Variants in ADAMTS17 observed in about 807,000 individuals in gnomAD.
ADAMTS17 encodes ADAM metallopeptidase with thrombospondin type 1 motif 17.
ADAMTS17 carries 113 observed loss-of-function variants against 141.5 expected under a neutral mutation model. The observed-to-expected ratio is 0.80, with a 90% CI of 0.69 to 0.93. ADAMTS17 has a LOEUF of 0.93. Ranked by LOEUF, ADAMTS17 falls within the 40% of genes least tolerant of loss-of-function variation. The pLI, the probability that ADAMTS17 is intolerant of heterozygous loss-of-function variation, is 0.00. For synonymous variants in ADAMTS17, 768 were observed against 630.6 expected (o/e 1.22, Z -3.27); for missense variants, 1,659 against 1,517.9 (o/e 1.09, Z -1.54).
At chr15:99,983,844 T>C (rs2060529558) in intron 20 of ADAMTS17, among the ~76,000 whole-genome samples, 2 of 152,144 alleles carry the variant, frequency 1.3e-5, no homozygotes, top group Admixed American at 6.5e-5. Context: ...ACTGACGGAA[T>C]CCTGACAGTA....
intron 7 of ADAMTS17, among the ~76,000 whole-genome samples, chr15:100,218,665 G>C (rs2042040751): frequency 6.6e-6 from 1 of 152,126 alleles, no homozygotes; most frequent in Non-Finnish European, 1.5e-5. Context: ...AAAGCGTTTG[G>C]CAGTGTCTCA....
chr15:100,307,032 C>G (rs2045249567), intron 3 of ADAMTS17, among the ~76,000 whole-genome samples: 1 of 152,146 alleles, frequency 6.6e-6, no homozygotes. Context: ...AACGCCATCC[C>G]AAAAGTCTGG....
chr15:100,225,911 C>T (rs1339385802), intron 7 of ADAMTS17, among the ~76,000 whole-genome samples: 1 of 150,058 alleles, frequency 6.7e-6, no homozygotes, highest in African/African-American at 2.5e-5. Context: ...CTGTGCCATT[C>T]AGTCCTTACA....
chr15:100,291,698 A>G (rs2044629468), intron 3 of ADAMTS17, among the ~76,000 whole-genome samples: 1 of 152,210 alleles, frequency 6.6e-6, no homozygotes, highest in Non-Finnish European at 1.5e-5. Context: ...CAGCACATGG[A>G]TGGAGCGAAA....
Position 100,068,878 on chromosome 15 carries a change from G to A in ADAMTS17, c.2138-14824C>T, listed in dbSNP as rs142533430. ...TCCAAAGGAACGCAGCTCCTCACCA[G>A]CAAGGGAACAAAGGGACAGAGAATG... On this transcript the variant is annotated intron_variant, in intron 15 of 21. Transcript: ENST00000268070. 1.8e-3 allele frequency among the ~76,000 whole-genome samples: 279 copies of A among 152,332 alleles called. 1 individual carries two copies. The highest frequency in any genetic ancestry group is 0.014 in the East Asian group (72 of 5,190).
chr15:100,184,689 A>AT (rs35367094), intron 8 of ADAMTS17, among the ~76,000 whole-genome samples: 1,945 of 152,196 alleles, frequency 0.013, 45 homozygotes, highest in African/African-American at 0.044. Context: ...CTCCTGACCA[A>AT]TGCTGCCACC....
At chr15:100,025,795 T>A (rs1389114995) in intron 18 of ADAMTS17, among the ~76,000 whole-genome samples, 1 of 152,230 alleles carries the variant, frequency 6.6e-6, no homozygotes, top group African/African-American at 2.4e-5. Flanking sequence ...TGTAGTAGTA[T>A]TTAATTATAA....
chr15:100,119,750 C>T (rs1484724578), intron 12 of ADAMTS17, among the ~76,000 whole-genome samples: 2 of 152,238 alleles, frequency 1.3e-5, no homozygotes, highest in African/African-American at 4.8e-5. Flanking sequence ...GCTTCTGCTG[C>T]TGCTTCTCCC....
chr15:100,245,095 A>G (rs1265098617), intron 7 of ADAMTS17, among the ~76,000 whole-genome samples: 1 of 152,108 alleles, frequency 6.6e-6, no homozygotes, highest in Non-Finnish European at 1.5e-5. Flanking sequence ...AGGAACAGAA[A>G]CACCGAGAGA....
intron 8 of ADAMTS17, among the ~76,000 whole-genome samples, chr15:100,162,815 A>AC (rs1169176071): frequency 6.9e-6 from 1 of 145,076 alleles, no homozygotes; most frequent in Admixed American, 7.1e-5. Flanking sequence ...ATGCACACAT[A>AC]CACATTATAT....
chr15:100,088,731 A>C (rs10459741), intron 15 of ADAMTS17, among the ~76,000 whole-genome samples: 49,864 of 151,748 alleles, frequency 0.33, 10,476 homozygotes, highest in East Asian at 0.58. Context: ...CAAAAACAAG[A>C]AATGGGGAAA....
intron 15 of ADAMTS17, among the ~76,000 whole-genome samples, chr15:100,094,220 G>A (rs1385910789): frequency 2.0e-5 from 3 of 152,256 alleles, no homozygotes; most frequent in Non-Finnish European, 2.9e-5. Flanking sequence ...TCTGTGCCTT[G>A]GCAGCTGGAA....
intron 4 of ADAMTS17, among the ~76,000 whole-genome samples, chr15:100,266,019 G>A (rs1453278110): frequency 6.6e-6 from 1 of 152,202 alleles, no homozygotes; most frequent in African/African-American, 2.4e-5. Flanking sequence ...TCACCAGAGA[G>A]AGGCTTGTCT....
chr15:100,149,426 T>C (rs1024129181), intron 10 of ADAMTS17, among the ~76,000 whole-genome samples: 7 of 152,202 alleles, frequency 4.6e-5, no homozygotes, highest in African/African-American at 9.7e-5. Context: ...AAACAACCTT[T>C]TCCACCAGTT....
intron 8 of ADAMTS17, among the ~76,000 whole-genome samples, chr15:100,160,339 ATTCTCCC>A (rs2141402206): frequency 6.6e-6 from 1 of 152,308 alleles, no homozygotes; most frequent in Admixed American, 6.5e-5. Context: ...AGCTGCTCCC[ATTCTCCC>A]TGGCTGGGAT....
chr15:100,200,952 A>C (rs2041308139), intron 7 of ADAMTS17, among the ~76,000 whole-genome samples: 1 of 152,172 alleles, frequency 6.6e-6, no homozygotes, highest in Non-Finnish European at 1.5e-5. Context: ...CTCCTTTCCA[A>C]GGGCTCCTTC....
intron 8 of ADAMTS17, among the ~76,000 whole-genome samples, chr15:100,155,666 T>G (rs1275307844): frequency 1.3e-5 from 2 of 152,246 alleles, no homozygotes; most frequent in East Asian, 1.9e-4. Context: ...CATTAAATAT[T>G]CCAATGTTCA....
intron 7 of ADAMTS17, among the ~76,000 whole-genome samples, chr15:100,223,495 G>A (rs141255170): frequency 6.6e-6 from 1 of 152,200 alleles, no homozygotes; most frequent in African/African-American, 2.4e-5. Flanking sequence ...TCTCACGGGG[G>A]CAGAAGCTGG....
At chr15:100,087,559 C>A (rs1028914682) in intron 15 of ADAMTS17, among the ~76,000 whole-genome samples, 47 of 152,330 alleles carry the variant, frequency 3.1e-4, no homozygotes, top group African/African-American at 1.1e-3. Flanking sequence ...AGACCAATAT[C>A]CTTGATGAAC....
Sources: allele counts gnomAD v4.1 joint callset (sites outside exome capture counted in the v4.1 genomes callset), GRCh38; gene constraint gnomAD v4.1.1; transcripts MANE v1.5; gene names NCBI Gene and HGNC (gene_info 2026-07-23, HGNC 2026-07-21).